ST8SIA4: variants seen among roughly 807,000 people sequenced by gnomAD.
The protein encoded by ST8SIA4 is ST8 alpha-N-acetyl-neuraminide alpha-2,8-sialyltransferase 4.
ST8SIA4 carries 15 observed loss-of-function variants against 33.9 expected under a neutral mutation model. The ratio of observed to expected loss-of-function variants is 0.44; its 90% CI spans 0.30 to 0.68. ST8SIA4 has a LOEUF of 0.68. ST8SIA4 is among the 30% of genes least tolerant of loss of function. ST8SIA4 has a pLI of 0.10. For synonymous variants in ST8SIA4, 171 were observed against 151.2 expected, an observed-to-expected ratio of 1.13 and a Z score of -0.96; for missense variants, 321 against 428.0, an observed-to-expected ratio of 0.75 and a Z score of 2.21.
chr5:100,865,887 C>G (rs934067903), intron 3 of ST8SIA4, among the ~76,000 whole-genome samples: 1 of 152,042 alleles, frequency 6.6e-6, no homozygotes, highest in Non-Finnish European at 1.5e-5. Flanking sequence ...GTCTTACAAT[C>G]TTTAGTCTCA....
At chr5:100,889,732 T>A (rs1752618504) in intron 2 of ST8SIA4, among the ~76,000 whole-genome samples, 1 of 151,958 alleles carries the variant, frequency 6.6e-6, no homozygotes. Flanking sequence ...TTAAAAGACA[T>A]CATATTGTCT....
intron 3 of ST8SIA4, among the ~76,000 whole-genome samples, chr5:100,865,420 A>G (rs113009235): frequency 0.019 from 2,949 of 152,218 alleles, 100 homozygotes; most frequent in African/African-American, 0.069. Context: ...TTGTTACTAG[A>G]CATATTCTCT....
At chr5:100,885,016 CTTT>C (rs1752506786) in intron 3 of ST8SIA4, among the ~76,000 whole-genome samples, 1 of 128,852 alleles carries the variant, frequency 7.8e-6, no homozygotes, top group African/African-American at 2.5e-5. Flanking sequence ...ATCGTTACTT[CTTT>C]GTTTTACCTG....
chr5:100,852,607 TCTTA>T (rs1751729002), intron 4 of ST8SIA4, among the ~76,000 whole-genome samples: 1 of 152,204 alleles, frequency 6.6e-6, no homozygotes, highest in African/African-American at 2.4e-5. Context: ...TAGATTACTC[TCTTA>T]CTATTTTTCA....
intron 4 of ST8SIA4, among the ~76,000 whole-genome samples, chr5:100,835,676 G>A (rs891803842): frequency 6.6e-6 from 1 of 151,970 alleles, no homozygotes; most frequent in African/African-American, 2.4e-5. Context: ...TTATTGTTTC[G>A]GAAGTAACAT....
In ST8SIA4 at chr5:100,903,197, C is replaced by T; in HGVS notation, c.-242G>A. ...CTCTGCCAGGGTCGCTCCGCGCCGC[C>T]TCCCTGGGGCTCAGGTTTCTTTTCA... On this transcript the variant is annotated 5_prime_UTR_variant, in exon 1 of 5. Transcript: ENST00000231461. 1.9e-6 allele frequency: 1 copy of T among 526,254 alleles called. No homozygotes were observed. The highest frequency in any genetic ancestry group is 3.4e-6 in the Non-Finnish European group (1 of 296,756). The allele number at this position is 526,254 out of a possible 1,614,324, so 32.6% of individuals were successfully genotyped here. A position where few individuals can be genotyped will look rare whatever the true frequency, so the allele number is the denominator to read the frequency against.
chr5:100,845,243 G>A (rs1218729498), intron 4 of ST8SIA4, among the ~76,000 whole-genome samples: 2 of 151,812 alleles, frequency 1.3e-5, no homozygotes, highest in Admixed American at 6.6e-5. Context: ...AGAAGATAAG[G>A]ACCTGTAATG....
intron 4 of ST8SIA4, among the ~76,000 whole-genome samples, chr5:100,823,132 T>TAAAC (rs3995455): frequency 0.016 from 2,188 of 139,762 alleles, 44 homozygotes; most frequent in African/African-American, 0.048. Context: ...CTCCGTCTCA[T>TAAAC]AAACAAACAA....
chr5:100,898,017 A>G (rs1349626618), intron 1 of ST8SIA4, among the ~76,000 whole-genome samples: 1 of 152,194 alleles, frequency 6.6e-6, no homozygotes, highest in Non-Finnish European at 1.5e-5. Flanking sequence ...AACTATCACT[A>G]TTTCTGTGGA....
intron 4 of ST8SIA4, among the ~76,000 whole-genome samples, chr5:100,847,214 A>C (rs1751588875): frequency 6.6e-6 from 1 of 152,122 alleles, no homozygotes; most frequent in Non-Finnish European, 1.5e-5. Context: ...TAAAACAAGT[A>C]AGCCATTTTC....
At chr5:100,874,319 G>C (rs1348668510) in intron 3 of ST8SIA4, among the ~76,000 whole-genome samples, 1 of 152,006 alleles carries the variant, frequency 6.6e-6, no homozygotes. Context: ...TAAAACTCCA[G>C]GTAGACAGAA....
rs1370236469 is a variant in ST8SIA4 at position 100,886,231 on chromosome 5, C to A, written c.503+112G>T. 6.7e-6 allele frequency: 10 copies of A among 1,484,114 alleles called. No individual in the cohort carries two copies. In the South Asian group the frequency reaches 1.3e-4, roughly 19 times the overall value. 91.9% of individuals were successfully genotyped at this position (1,484,114 alleles called of 1,614,324 possible). A position where few individuals can be genotyped will look rare whatever the true frequency, so the allele number is the denominator to read the frequency against. ...GTTGCACAGAAAAGGATATCATAGA[C>A]AAATATTTGTTTGAGGTTTTAGTAA... is the stretch of plus-strand genomic sequence containing the variant. On this transcript the variant is annotated intron_variant, in intron 3 of 4. Coordinates refer to ENST00000231461, the MANE Select transcript of ST8SIA4 (RefSeq NM_005668.6).
chr5:100,856,483 T>C (rs575995070), intron 3 of ST8SIA4, 87 bp from the exon 4 acceptor site: 3 of 1,300,528 alleles, frequency 2.3e-6, no homozygotes, highest in Admixed American at 2.6e-5. Flanking sequence ...GAATGGGAAA[T>C]AAGCATTTTT....
chr5:100,886,695 T>C (rs1049618517), intron 2 of ST8SIA4, 95 bp from the exon 3 acceptor site: 26 of 1,021,560 alleles, frequency 2.5e-5, no homozygotes, highest in Non-Finnish European at 3.2e-5. Flanking sequence ...AAAATACAAA[T>C]TGGCAAACTA....
chr5:100,837,878 G>A (rs896281940), intron 4 of ST8SIA4, among the ~76,000 whole-genome samples: 1 of 151,940 alleles, frequency 6.6e-6, no homozygotes, highest in Non-Finnish European at 1.5e-5. Context: ...TGTTGTCTTA[G>A]TAAGTCACTT....
At chr5:100,844,941 C>A (rs1751536657) in intron 4 of ST8SIA4, among the ~76,000 whole-genome samples, 1 of 152,050 alleles carries the variant, frequency 6.6e-6, no homozygotes, top group Non-Finnish European at 1.5e-5. Flanking sequence ...TGATATGGCA[C>A]ACTAGTCTCT....
At chr5:100,876,496 G>A (rs1752309980) in intron 3 of ST8SIA4, among the ~76,000 whole-genome samples, 3 of 151,982 alleles carry the variant, frequency 2.0e-5, no homozygotes, top group African/African-American at 7.2e-5. Context: ...TTTCTTATCA[G>A]AGGGTACTGC....
intron 4 of ST8SIA4, among the ~76,000 whole-genome samples, chr5:100,830,957 AG>A (rs1561387568): frequency 6.6e-6 from 1 of 152,252 alleles, no homozygotes; most frequent in Non-Finnish European, 1.5e-5. Context: ...GGTAAAGCAC[AG>A]TATAACCAAT....
At position 100,856,159 on chromosome 5, in the gene ST8SIA4, A is replaced by G. The variant is rs779838034; in HGVS notation, c.741T>C (p.Asn247=). The change falls in exon 4 of 5, where the codon AAT becomes AAC. Residue 247 remains asparagine (N), a synonymous_variant. Coordinates refer to ENST00000231461, the MANE Select transcript of ST8SIA4 (RefSeq NM_005668.6). ...GATAGGCAGTTCGCACTTTCAGTTT[A>G]TTCTTAAGGATTAATGCATTAACCC... ...VEWVNALILK[N]KLKVRTAYPS... 3 of 1,613,994 alleles carry G rather than the reference A, an allele frequency of 1.9e-6. No individual in the cohort carries two copies. Among genetic ancestry groups the G allele is most frequent in the Non-Finnish European group, 2.5e-6 (3 of 1,179,994 alleles).
Sources: allele counts gnomAD v4.1 joint callset (sites outside exome capture counted in the v4.1 genomes callset), GRCh38; gene constraint gnomAD v4.1.1; transcripts MANE v1.5; gene names NCBI Gene and HGNC (gene_info 2026-07-23, HGNC 2026-07-21).